The following BAZ1A variants were observed in gnomAD, a reference collection of about 807,000 sequenced individuals.
The protein encoded by BAZ1A is bromodomain adjacent to zinc finger domain protein 1A.
In BAZ1A, 50 loss-of-function variants were observed where a neutral mutation model predicts 185.2. That is an observed-to-expected ratio of 0.27 (90% CI 0.22 to 0.34). The LOEUF is 0.34. BAZ1A is among the 10% of genes least tolerant of loss of function. The probability of loss-of-function intolerance (pLI) is 1.00; values close to 1 mark genes in which losing one functional copy is unlikely to be tolerated. For missense variants in BAZ1A, 1,356 were observed against 1,839.9 expected (o/e 0.74, Z 4.81); for synonymous variants, 571 against 615.6 (o/e 0.93, Z 1.07).
Position 34,874,685 on chromosome 14 carries a change from A to G in BAZ1A, c.-58-23T>C. The G allele has an allele frequency of 7.9e-7, 1 of 1,272,938 alleles. No homozygotes were observed. Among genetic ancestry groups the G allele is most frequent in the Non-Finnish European group, 1.1e-6 (1 of 916,220 alleles). The allele number at this position is 1,272,938 out of a possible 1,614,324, so 78.9% of individuals were successfully genotyped here. The stretch of plus-strand genomic sequence containing the variant: ...TCCCTATCAAAATTGGAGGGAAAGG[A>G]AAGCCGGTAAGGTGGGGAGCCCTCG... On this transcript the variant is annotated intron_variant, in intron 1 of 26. Coordinates refer to ENST00000360310, the MANE Select transcript of BAZ1A (RefSeq NM_013448.3). The surrounding 1 kb of genome is among the most constrained non-coding windows in gnomAD (Gnocchi z 4.7).
At chr14:34,814,775 C>T (rs1421670533) in intron 4 of BAZ1A, among the ~76,000 whole-genome samples, 1 of 150,880 alleles carries the variant, frequency 6.6e-6, no homozygotes, top group Non-Finnish European at 1.5e-5. Context: ...CCGTACCAGA[C>T]CTTATCTTTT....
rs1343259333 is a variant in BAZ1A, at chr14:34,771,653, C to G, written c.3159G>C (p.Leu1053Phe). ...QTKVIVKDRL[L>F]GIKTETPSTV... ...TACTTGGAGTTTCTGTTTTTATCCCCAAAAGTCTACAATTAAAACAATTAA... is the reference window on the plus strand; with the variant it reads ...TACTTGGAGTTTCTGTTTTTATCCCGAAAAGTCTACAATTAAAACAATTAA... The change falls in exon 21 of 27, where the codon TTG becomes TTC. Residue 1053 changes from leucine (L) to phenylalanine (F), a missense_variant. Leu to Phe is a conservative substitution (Grantham distance 22). Transcript: ENST00000360310. 4.3e-6 allele frequency: 7 copies of G among 1,610,972 alleles called. 1 individual carries two copies. The South Asian group carries it at 7.8e-5, about 18-fold the overall frequency.
At chr14:34,803,461 T>C (rs908136851) in intron 6 of BAZ1A, among the ~76,000 whole-genome samples, 2 of 151,904 alleles carry the variant, frequency 1.3e-5, no homozygotes, top group African/African-American at 4.8e-5. Context: ...TTTAGTTGGT[T>C]TAACCAATCC....
intron 20 of BAZ1A, among the ~76,000 whole-genome samples, chr14:34,772,889 G>A (rs1346736437): frequency 1.3e-5 from 2 of 152,142 alleles, no homozygotes; most frequent in African/African-American, 4.8e-5. Flanking sequence ...TTAGCTGGGC[G>A]TGTTGGCACG....
At chr14:34,832,215 C>CACACACACACACATAT in intron 3 of BAZ1A, among the ~76,000 whole-genome samples, 5 of 89,714 alleles carry the variant, frequency 5.6e-5, no homozygotes, top group African/African-American at 1.9e-4. Flanking sequence ...CACACACACA[C>CACACACACACACATAT]ATATATATAT....
At chr14:34,754,426 A>AAAAAAAAAAAAAAG (rs543554757) in intron 26 of BAZ1A, among the ~76,000 whole-genome samples, 4 of 122,832 alleles carry the variant, frequency 3.3e-5, no homozygotes, top group Non-Finnish European at 5.3e-5. Flanking sequence ...TCAAAAAAAA[A>AAAAAAAAAAAAAAG]AAAAAAGAAA....
rs539152022 is a variant in BAZ1A, at chr14:34,805,133, T to C, written c.727-2145A>G. On this transcript the variant is annotated intron_variant, in intron 6 of 26. Coordinates refer to ENST00000360310, the MANE Select transcript of BAZ1A (RefSeq NM_013448.3). ...AAGATGTGCTTGCTTTCCGCCATGATTGTAGGTTTCCTGAGGCCTCCCCAG... is the reference window on the plus strand; with the variant it reads ...AAGATGTGCTTGCTTTCCGCCATGACTGTAGGTTTCCTGAGGCCTCCCCAG... Among the ~76,000 whole-genome samples, 20 of 152,336 alleles carry C rather than the reference T, an allele frequency of 1.3e-4. No individual in the cohort carries two copies. The South Asian group carries it at 2.9e-3, about 22-fold the overall frequency.
chr14:34,806,120 TTTTA>T (rs761534352), intron 6 of BAZ1A, among the ~76,000 whole-genome samples: 119 of 152,262 alleles, frequency 7.8e-4, no homozygotes, highest in African/African-American at 2.5e-3. Context: ...AAGTGTCCAT[TTTTA>T]TTTATCAGTC....
intron 3 of BAZ1A, among the ~76,000 whole-genome samples, chr14:34,838,837 T>C (rs1190654935): frequency 6.6e-6 from 1 of 152,176 alleles, no homozygotes; most frequent in Non-Finnish European, 1.5e-5. Flanking sequence ...GAAACAATTA[T>C]TTTACAACTA....
At chr14:34,760,001 A>G (rs865969400) in intron 24 of BAZ1A, among the ~76,000 whole-genome samples, 7 of 152,102 alleles carry the variant, frequency 4.6e-5, no homozygotes, top group Non-Finnish European at 1.0e-4. Flanking sequence ...ATATCTAGAT[A>G]ATGTTCGAAA....
In BAZ1A at chr14:34,758,636, T is replaced by C. The variant is rs1226351450; in HGVS notation, c.4386+68A>G. On this transcript the variant is annotated intron_variant, in intron 25 of 26. Coordinates refer to ENST00000360310, the MANE Select transcript of BAZ1A (RefSeq NM_013448.3). ...AGTGAGTAACAGGTGTTTTGACTAC[T>C]TCAAAGTTATCACGTGGACTAAATC... The C allele has an allele frequency of 2.6e-6, 4 of 1,520,408 alleles. No homozygotes were observed. In the African/African-American group the frequency reaches 4.2e-5, roughly 16 times the overall value. 94.2% of individuals were successfully genotyped at this position (1,520,408 alleles called of 1,614,324 possible).
intron 3 of BAZ1A, among the ~76,000 whole-genome samples, chr14:34,829,394 AT>A (rs1194416909): frequency 1.6e-4 from 25 of 152,224 alleles, no homozygotes; most frequent in Admixed American, 1.3e-3. Flanking sequence ...ATCTAAAAAA[AT>A]AAACAAAAAT....
chr14:34,799,682 G>T (rs1881397935), intron 9 of BAZ1A, among the ~76,000 whole-genome samples: 1 of 151,956 alleles, frequency 6.6e-6, no homozygotes, highest in African/African-American at 2.4e-5. Context: ...CGTGATCTTG[G>T]CTCACTGTAA....
intron 2 of BAZ1A, among the ~76,000 whole-genome samples, chr14:34,868,669 C>T (rs2042900021): frequency 6.6e-6 from 1 of 151,804 alleles, no homozygotes; most frequent in South Asian, 2.1e-4. Context: ...GGCACGGTGT[C>T]AGGAGCCTGT....
chr14:34,850,205 C>G (rs7148005), intron 3 of BAZ1A, among the ~76,000 whole-genome samples: 21,965 of 152,082 alleles, frequency 0.14, 1,753 homozygotes, highest in South Asian at 0.24. Flanking sequence ...TGGCGATACC[C>G]CATCTCCACA....
chr14:34,863,604 C>G (rs2042807235), intron 2 of BAZ1A, among the ~76,000 whole-genome samples: 1 of 152,138 alleles, frequency 6.6e-6, no homozygotes, highest in African/African-American at 2.4e-5. Flanking sequence ...CCATTCCCAG[C>G]CCTATCCACT....
At chr14:34,783,687 A>G (rs1880206447) in intron 15 of BAZ1A, 75 bp downstream of exon 15, 1 of 1,536,212 alleles carries the variant, frequency 6.5e-7, no homozygotes, top group Non-Finnish European at 8.8e-7. Flanking sequence ...ACATTATAGC[A>G]CCATGTGAAA....
chr14:34,781,527 CTTTTTT>C (rs35183747), intron 16 of BAZ1A, among the ~76,000 whole-genome samples: 2 of 141,532 alleles, frequency 1.4e-5, no homozygotes. Flanking sequence ...TCACTAGCTG[CTTTTTT>C]TTTTTTTTTG....
intron 6 of BAZ1A, among the ~76,000 whole-genome samples, chr14:34,806,619 C>A (rs1881868969): frequency 6.6e-6 from 1 of 152,164 alleles, no homozygotes; most frequent in African/African-American, 2.4e-5. Flanking sequence ...TTGAGTTTTA[C>A]CATTTAACTT....
Sources: allele counts gnomAD v4.1 joint callset (sites outside exome capture counted in the v4.1 genomes callset), GRCh38; gene constraint gnomAD v4.1.1; non-coding constraint Gnocchi (gnomAD v3.1); transcripts MANE v1.5; gene names NCBI Gene and HGNC (gene_info 2026-07-23, HGNC 2026-07-21).